The following CNTNAP5 variants were observed in gnomAD, a reference collection of about 807,000 sequenced individuals.
CNTNAP5 encodes the protein contactin-associated protein-like 5.
CNTNAP5 carries 72 observed loss-of-function variants against 150.2 expected under a neutral mutation model. That is an observed-to-expected ratio of 0.48 (90% CI 0.40 to 0.58). The LOEUF (loss-of-function observed/expected upper bound fraction) is 0.58. Ranked by LOEUF, CNTNAP5 falls within the 20% of genes least tolerant of loss-of-function variation. CNTNAP5 has a pLI of 0.00. For missense variants in CNTNAP5, 1,636 were observed against 1,626.2 expected (o/e 1.01, Z -0.10); for synonymous variants, 672 against 619.8 (o/e 1.08, Z -1.25).
At chr2:124,530,289 GAC>G (rs1231313677) in intron 10 of CNTNAP5, among the ~76,000 whole-genome samples, 1 of 152,108 alleles carries the variant, frequency 6.6e-6, no homozygotes, top group Non-Finnish European at 1.5e-5. Flanking sequence ...CAGCCTGGGC[GAC>G]AGAGCAAGAC....
chr2:124,251,855 A>T (rs186729785), intron 3 of CNTNAP5, among the ~76,000 whole-genome samples: 2 of 152,178 alleles, frequency 1.3e-5, no homozygotes, highest in African/African-American at 2.4e-5. Context: ...TGAGAGCTAG[A>T]GTTCCACGAA....
intron 19 of CNTNAP5, among the ~76,000 whole-genome samples, chr2:124,863,726 C>T (rs1006714816): frequency 1.3e-5 from 2 of 152,072 alleles, no homozygotes; most frequent in Non-Finnish European, 2.9e-5. Context: ...GTCAGGGACA[C>T]GGTGGTTACT....
chr2:124,513,915 A>T (rs532536598), intron 8 of CNTNAP5, among the ~76,000 whole-genome samples: 1 of 152,326 alleles, frequency 6.6e-6, no homozygotes, highest in African/African-American at 2.4e-5. Context: ...CATAGAAGCC[A>T]TTTGTAGCTA....
chr2:124,775,318 C>T lies in CNTNAP5; in HGVS notation c.2752+2301C>T, dbSNP rs143859952. 3.7e-4 allele frequency among the ~76,000 whole-genome samples: 56 copies of T among 152,206 alleles called. No homozygotes were observed. In the Middle Eastern group the frequency reaches 0.01, roughly 28 times the overall value. ...TTATAGTCACCAAAATGAACAATTGCATTCTGTATTATTCAGAAATTGAGA... is the reference window on the plus strand; with the variant it reads ...TTATAGTCACCAAAATGAACAATTGTATTCTGTATTATTCAGAAATTGAGA... On this transcript the variant is annotated intron_variant, in intron 17 of 23. Coordinates refer to ENST00000682447, the MANE Select transcript of CNTNAP5 (RefSeq NM_001367498.1).
intron 7 of CNTNAP5, among the ~76,000 whole-genome samples, chr2:124,498,703 T>C (rs895158431): frequency 1.8e-4 from 28 of 152,222 alleles, no homozygotes; most frequent in African/African-American, 6.8e-4. Flanking sequence ...CTTTCCTGCA[T>C]CAAGACAGGA....
chr2:124,384,773 C>G (rs975503821), intron 3 of CNTNAP5, among the ~76,000 whole-genome samples: 2 of 152,196 alleles, frequency 1.3e-5, no homozygotes, highest in Admixed American at 6.5e-5. Context: ...TGTTCTTCCT[C>G]TGTTATCTGA....
intron 3 of CNTNAP5, among the ~76,000 whole-genome samples, chr2:124,266,206 A>C (rs144539691): frequency 6.6e-6 from 1 of 152,140 alleles, no homozygotes; most frequent in Admixed American, 6.5e-5. Flanking sequence ...ACTTTTATCT[A>C]CAGACTTGGA....
At chr2:124,383,674 A>G (rs1820395) in intron 3 of CNTNAP5, among the ~76,000 whole-genome samples, 6,154 of 152,308 alleles carry the variant, frequency 0.04, 423 homozygotes, top group African/African-American at 0.14. Flanking sequence ...TTGCAAGGCT[A>G]TTATGAAGGA....
intron 1 of CNTNAP5, among the ~76,000 whole-genome samples, chr2:124,205,809 C>T (rs1442334903): frequency 6.6e-6 from 1 of 152,160 alleles, no homozygotes; most frequent in Non-Finnish European, 1.5e-5. Flanking sequence ...TGTTTTGCTG[C>T]CTCCTTTTTT....
intron 1 of CNTNAP5, among the ~76,000 whole-genome samples, chr2:124,044,366 G>A (rs558746419): frequency 6.6e-6 from 1 of 152,298 alleles, no homozygotes; most frequent in African/African-American, 2.4e-5. Flanking sequence ...TGAACCCAAA[G>A]TACTGTGTCC....
chr2:124,221,985 C>A, intron 2 of CNTNAP5, among the ~76,000 whole-genome samples, 176 bp downstream of exon 2: 1 of 152,228 alleles, frequency 6.6e-6, no homozygotes, highest in Admixed American at 6.5e-5. Context: ...GCATAATAGT[C>A]ATTCAAAGTA....
At chr2:124,699,426 C>G (rs983230074) in intron 13 of CNTNAP5, among the ~76,000 whole-genome samples, 2 of 152,166 alleles carry the variant, frequency 1.3e-5, no homozygotes, top group East Asian at 1.9e-4. Context: ...TACAGTCTAC[C>G]CATTGGAAGC....
intron 3 of CNTNAP5, among the ~76,000 whole-genome samples, chr2:124,371,519 C>T (rs1690525752): frequency 6.6e-6 from 1 of 152,094 alleles, no homozygotes; most frequent in Non-Finnish European, 1.5e-5. Context: ...TCAAAAGAAA[C>T]ATTTTCAACT....
chr2:124,904,533 T>G (rs1417787358), intron 22 of CNTNAP5, among the ~76,000 whole-genome samples: 1 of 151,776 alleles, frequency 6.6e-6, no homozygotes, highest in African/African-American at 2.4e-5. Context: ...AACAGACACA[T>G]AGACTAATAG....
At chr2:124,137,457 T>C (rs1296290919) in intron 1 of CNTNAP5, among the ~76,000 whole-genome samples, 6 of 152,186 alleles carry the variant, frequency 3.9e-5, no homozygotes, top group African/African-American at 1.4e-4. Context: ...GACTTTGAAT[T>C]CTAAAATAAA....
At chr2:124,894,250 A>T (rs1467285252) in intron 21 of CNTNAP5, among the ~76,000 whole-genome samples, 1 of 147,552 alleles carries the variant, frequency 6.8e-6, no homozygotes, top group Non-Finnish European at 1.5e-5. Context: ...TGGCTTTTAC[A>T]TTTTTTTGGT....
intron 2 of CNTNAP5, among the ~76,000 whole-genome samples, chr2:124,222,947 AT>A (rs1442681953): frequency 6.6e-6 from 1 of 152,134 alleles, no homozygotes; most frequent in East Asian, 1.9e-4. Flanking sequence ...TAAGAATAAT[AT>A]TCTAAAAACA....
chr2:124,843,403 A>G (rs1196996052), intron 19 of CNTNAP5, among the ~76,000 whole-genome samples: 1 of 151,906 alleles, frequency 6.6e-6, no homozygotes, highest in East Asian at 1.9e-4. Context: ...AATATCCCTT[A>G]TCCACTCGTT....
chr2:124,102,087 C>G (rs1307072272), intron 1 of CNTNAP5, among the ~76,000 whole-genome samples: 1 of 152,094 alleles, frequency 6.6e-6, no homozygotes, highest in Non-Finnish European at 1.5e-5. Flanking sequence ...AAACTGAACT[C>G]CTAAATGCTG....
Sources: gnomAD v4.1 joint callset for allele counts (sites outside exome capture counted in the v4.1 genomes callset) on GRCh38, gnomAD v4.1.1 for gene constraint, MANE v1.5 for transcripts, NCBI Gene and HGNC (gene_info 2026-07-23, HGNC 2026-07-21) for gene names.